The following TRIO variants were observed in gnomAD, a reference collection of about 807,000 sequenced individuals.
TRIO encodes the protein triple functional domain protein.
Under a neutral mutation model 351.9 loss-of-function variants are expected in TRIO, and 58 were observed. That is an observed-to-expected ratio of 0.16 (90% confidence interval 0.13 to 0.21). The LOEUF is 0.21. Ranked by LOEUF, TRIO falls within the 10% of genes least tolerant of loss-of-function variation. The pLI, the probability that TRIO is intolerant of heterozygous loss-of-function variation, is 1.00. For synonymous variants in TRIO, 1,758 were observed against 1,595.7 expected (o/e 1.10, Z -2.42); for missense variants, 3,201 against 4,027.8 (o/e 0.79, Z 5.56).
At chr5:14,504,321 A>C in intron 54 of TRIO, 72 bp from the exon 55 acceptor site, 3 of 1,538,186 alleles carry the variant, frequency 2.0e-6, no homozygotes, top group Non-Finnish European at 2.7e-6. Flanking sequence ...CAGTCCATTT[A>C]GGATAACAGA....
At position 14,477,533 on chromosome 5, in the gene TRIO, A is replaced by T. The variant is rs561395665; in HGVS notation, c.6153+570A>T. On this transcript the variant is annotated intron_variant, in intron 41 of 56. Transcript: ENST00000344204. ...TCCAAACAAATCCATCTTCACACACATATAGTTAGAAAAGGATGAGTATTT... is the reference window on the plus strand; with the variant it reads ...TCCAAACAAATCCATCTTCACACACTTATAGTTAGAAAAGGATGAGTATTT... 3.3e-5 allele frequency among the ~76,000 whole-genome samples: 5 copies of T among 152,356 alleles called. No individual in the cohort carries two copies. In the East Asian group the frequency reaches 9.6e-4, roughly 29 times the overall value.
intron 40 of TRIO, 149 bp from the exon 41 acceptor site, chr5:14,476,745 G>C (rs1755102852): frequency 3.2e-6 from 2 of 621,286 alleles, no homozygotes; most frequent in Admixed American, 6.2e-5. Context: ...AGTGAACCAA[G>C]ATCACACCAC....
chr5:14,196,249 C>T (rs952438151), intron 1 of TRIO, among the ~76,000 whole-genome samples: 2 of 151,910 alleles, frequency 1.3e-5, no homozygotes, highest in Admixed American at 1.3e-4. Context: ...TGGTGAAAAC[C>T]CCCTCTCTAC....
intron 41 of TRIO, among the ~76,000 whole-genome samples, chr5:14,477,820 C>G (rs1470556351): frequency 6.6e-6 from 1 of 152,218 alleles, no homozygotes; most frequent in African/African-American, 2.4e-5. Context: ...TGACACGTTT[C>G]ATTACACAGT....
intron 17 of TRIO, 24 bp from the exon 18 acceptor site, chr5:14,369,350 G>T (rs1226945529): frequency 1.3e-6 from 2 of 1,586,040 alleles, no homozygotes; most frequent in East Asian, 2.3e-5. Flanking sequence ...CCAAGTCTGA[G>T]CCTCAAACTT....
At chr5:14,377,228 G>A (rs1745636677) in intron 19 of TRIO, among the ~76,000 whole-genome samples, 1 of 151,410 alleles carries the variant, frequency 6.6e-6, no homozygotes, top group African/African-American at 2.4e-5. Context: ...CTCTCCTAAG[G>A]GGTTATGGTT....
intron 1 of TRIO, among the ~76,000 whole-genome samples, chr5:14,180,126 A>G (rs1789673991): frequency 6.6e-6 from 1 of 151,386 alleles, no homozygotes; most frequent in South Asian, 2.1e-4. Flanking sequence ...AAAAAAAAAA[A>G]AAGATTAACT....
intron 10 of TRIO, among the ~76,000 whole-genome samples, chr5:14,332,682 C>A (rs1438600903): frequency 6.6e-6 from 1 of 152,090 alleles, no homozygotes; most frequent in East Asian, 1.9e-4. Context: ...GCTAATTTTT[C>A]CTTATTAAAA....
At chr5:14,328,323 AGTTAAAACAATGCACTGAATACGCTT>A (rs1437143597) in intron 9 of TRIO, among the ~76,000 whole-genome samples, 1 of 152,278 alleles carries the variant, frequency 6.6e-6, no homozygotes, top group East Asian at 1.9e-4. Context: ...TCAATACACT[AGTTAAAACAATGCACTGAATACGCTT>A]GTTAAAACAA....
At chr5:14,320,401 G>C (rs1177487300) in intron 9 of TRIO, among the ~76,000 whole-genome samples, 1 of 152,098 alleles carries the variant, frequency 6.6e-6, no homozygotes, top group Non-Finnish European at 1.5e-5. Context: ...ACTCTAGCAT[G>C]TCAGGAGCAG....
chr5:14,481,793 T>C, intron 45 of TRIO, 175 bp downstream of exon 45: 1 of 587,452 alleles, frequency 1.7e-6, no homozygotes, highest in Non-Finnish European at 2.7e-6. Context: ...TTTTTTTTTT[T>C]TGGTGCGTTT....
chr5:14,308,492 C>G (rs930726567), intron 8 of TRIO, among the ~76,000 whole-genome samples: 15 of 151,810 alleles, frequency 9.9e-5, no homozygotes, highest in Non-Finnish European at 2.2e-4. Flanking sequence ...CCCAGCCACC[C>G]ATCCGTCCAT....
intron 1 of TRIO, among the ~76,000 whole-genome samples, chr5:14,257,333 G>C (rs973398422): frequency 6.6e-6 from 1 of 152,186 alleles, no homozygotes; most frequent in African/African-American, 2.4e-5. Context: ...AGGGAGACAC[G>C]GAATTCTTAG....
intron 34 of TRIO, among the ~76,000 whole-genome samples, chr5:14,433,322 G>C (rs1751328176): frequency 6.6e-6 from 1 of 152,208 alleles, no homozygotes; most frequent in South Asian, 2.1e-4. Flanking sequence ...AGGAACTCCT[G>C]TGCTGAATGG....
chr5:14,366,812 A>T, intron 15 of TRIO, 48 bp from the exon 16 acceptor site: 3 of 1,611,606 alleles, frequency 1.9e-6, no homozygotes, highest in Non-Finnish European at 2.5e-6. Context: ...GGTCCACAGG[A>T]TTCTCTGGGA....
At chr5:14,453,942 T>C (rs1343709132) in intron 34 of TRIO, among the ~76,000 whole-genome samples, 3 of 149,892 alleles carry the variant, frequency 2.0e-5, no homozygotes, top group Non-Finnish European at 4.5e-5. Flanking sequence ...AGATGCATCT[T>C]TTTTTTTTTG....
chr5:14,435,832 C>A (rs892383076), intron 34 of TRIO, among the ~76,000 whole-genome samples: 4 of 152,216 alleles, frequency 2.6e-5, no homozygotes, highest in African/African-American at 7.2e-5. Context: ...TACTTTCTGG[C>A]ACTATAGGAT....
intron 25 of TRIO, 47 bp from the exon 26 acceptor site, chr5:14,390,184 T>C: frequency 6.3e-7 from 1 of 1,577,332 alleles, no homozygotes; most frequent in Non-Finnish European, 8.7e-7. Context: ...ACTAGTAAAA[T>C]GTTTTAAAAC....
At chr5:14,474,153 C>G in intron 40 of TRIO, 56 bp downstream of exon 40, 1 of 1,538,578 alleles carries the variant, frequency 6.5e-7, no homozygotes. Flanking sequence ...CTTGCTAAAC[C>G]AAGGCAGGCC....
Sources: gnomAD v4.1 joint callset for allele counts (sites outside exome capture counted in the v4.1 genomes callset) on GRCh38, gnomAD v4.1.1 for gene constraint, MANE v1.5 for transcripts, NCBI Gene and HGNC (gene_info 2026-07-23, HGNC 2026-07-21) for gene names.